BLNK: variants seen among roughly 807,000 people sequenced by gnomAD.
BLNK encodes B cell linker, also known as B-cell linker protein.
Under a neutral mutation model 73.5 loss-of-function variants are expected in BLNK, and 29 were observed. That is an observed-to-expected ratio of 0.39 (90% CI 0.29 to 0.54). The LOEUF (loss-of-function observed/expected upper bound fraction) is 0.54. Ranked by LOEUF, BLNK falls within the 20% of genes least tolerant of loss-of-function variation. The pLI is 0.61. For synonymous variants in BLNK, 176 were observed against 200.8 expected (o/e 0.88, Z 1.04); for missense variants, 460 against 562.8 (o/e 0.82, Z 1.85).
intron 4 of BLNK, among the ~76,000 whole-genome samples, chr10:96,228,068 G>A (rs113022408): frequency 0.028 from 4,235 of 149,280 alleles, 68 homozygotes; most frequent in Middle Eastern, 0.066. Flanking sequence ...GGCTTCAAAT[G>A]GACTCAGGGT....
Position 96,204,083 on chromosome 10 carries a change from A to G in BLNK, c.908T>C (p.Ile303Thr). 6.2e-7 allele frequency: 1 copy of G among 1,613,926 alleles called. No individual in the cohort carries two copies. Among genetic ancestry groups the G allele is most frequent in the Non-Finnish European group, 8.5e-7 (1 of 1,179,852 alleles). The change falls in exon 13 of 17, where the codon ATC becomes ACC. Residue 303 changes from isoleucine to threonine, a missense_variant. Ile to Thr is a moderately conservative substitution (Grantham distance 89, BLOSUM62 -1). Around this residue, in one of 3 missense-constraint regions of BLNK, gnomAD observed 233 missense variants for 232.1 expected, o/e 1.00. Coordinates refer to ENST00000224337, the MANE Select transcript of BLNK (RefSeq NM_013314.4). Reference protein sequence around the residue: ...SPVFPPAQKQIHQKPIPLPRF... With the variant: ...SPVFPPAQKQTHQKPIPLPRF... ...TGGCAGAGGTATGGGTTTTTGGTGG[A>G]TTTGTCTGCAAGAAAGAATTTCAGA...
chr10:96,255,231 C>T (rs575725068), intron 1 of BLNK, among the ~76,000 whole-genome samples: 1 of 152,274 alleles, frequency 6.6e-6, no homozygotes, highest in East Asian at 1.9e-4. Context: ...GCGAGCTCTT[C>T]CAGGGCCAAG....
At chr10:96,229,597 A>T (rs1043513352) in intron 4 of BLNK, among the ~76,000 whole-genome samples, 7 of 150,756 alleles carry the variant, frequency 4.6e-5, no homozygotes, top group Non-Finnish European at 8.8e-5. Flanking sequence ...CAGCTTGCTC[A>T]GTTTTCTTCT....
intron 7 of BLNK, among the ~76,000 whole-genome samples, 176 bp from the exon 8 acceptor site, chr10:96,215,565 G>C (rs1327260833): frequency 6.6e-6 from 1 of 152,140 alleles, no homozygotes; most frequent in African/African-American, 2.4e-5. Context: ...AGTCTTCTTA[G>C]AAGAAACATC....
intron 3 of BLNK, among the ~76,000 whole-genome samples, chr10:96,239,921 T>A (rs1842829829): frequency 6.6e-6 from 1 of 152,152 alleles, no homozygotes; most frequent in Non-Finnish European, 1.5e-5. Flanking sequence ...TTTCCAACAA[T>A]TGACTCTGAA....
At position 96,189,497 on chromosome 10, in the gene BLNK, TG is replaced by T; in HGVS notation, c.*2475del. The T allele has an allele frequency of 1.3e-5, 8 of 636,566 alleles. No homozygotes were observed. Among genetic ancestry groups the T allele is most frequent in the South Asian group, 1.1e-4 (8 of 71,986 alleles). The allele number at this position is 636,566 out of a possible 1,614,324, so 39.4% of individuals were successfully genotyped here. On this transcript the variant is annotated 3_prime_UTR_variant, in exon 17 of 17. Transcript: ENST00000224337. ...CTTTTTCTATACTTGCTTGCATTTTTGATTTAATGTCTTCTACAGAACTAGG... is the reference window on the plus strand; with the variant it reads ...CTTTTTCTATACTTGCTTGCATTTTTATTTAATGTCTTCTACAGAACTAGG...
At chr10:96,196,655 G>C (rs189410970) in intron 16 of BLNK, among the ~76,000 whole-genome samples, 1 of 152,170 alleles carries the variant, frequency 6.6e-6, no homozygotes, top group East Asian at 1.9e-4. Flanking sequence ...TAAAATCTTG[G>C]GTCAGACTGA....
chr10:96,205,871 C>T (rs910596820), intron 11 of BLNK, among the ~76,000 whole-genome samples: 5 of 152,188 alleles, frequency 3.3e-5, no homozygotes, highest in Non-Finnish European at 5.9e-5. Flanking sequence ...GCTCTTGTAG[C>T]CATGAAGTCT....
At chr10:96,202,959 C>A (rs587601778) in intron 13 of BLNK, among the ~76,000 whole-genome samples, 2 of 152,338 alleles carry the variant, frequency 1.3e-5, no homozygotes, top group East Asian at 3.9e-4. Flanking sequence ...CCCTCCCTGC[C>A]TCCGTTACTC....
At chr10:96,202,166 G>A (rs2083660489) in intron 13 of BLNK, among the ~76,000 whole-genome samples, 1 of 152,158 alleles carries the variant, frequency 6.6e-6, no homozygotes, top group African/African-American at 2.4e-5. Context: ...AGATTTATAG[G>A]ACTTGGTGGA....
Position 96,195,010 on chromosome 10 carries a change from C to T in BLNK, c.1251+1898G>A, listed in dbSNP as rs587721248. On this transcript the variant is annotated intron_variant, in intron 16 of 16. Transcript: ENST00000224337. ...GGTCTCGATCTCCTGACCTCGTGAT[C>T]CGCCCGTCTCGGCCTCCCAAAGTGC... is the stretch of plus-strand genomic sequence containing the variant. Among the ~76,000 whole-genome samples the T allele has an allele frequency of 2.8e-4, 42 of 151,994 alleles. No homozygotes were observed. The South Asian group carries it at 8.1e-3, about 29-fold the overall frequency.
In BLNK at chr10:96,230,845, A is replaced by G. The variant is rs1554903825; in HGVS notation, c.164-11T>C. The G allele has an allele frequency of 6.2e-7, 1 of 1,610,504 alleles. No individual in the cohort carries two copies. Among genetic ancestry groups the G allele is most frequent in the Non-Finnish European group, 8.5e-7 (1 of 1,178,640 alleles). ...CGTCAGCAGGGCTCTCTGCAACAGC[A>G]GGGGAGAAGCAGAAGGCACAAGTGT... is the stretch of plus-strand genomic sequence containing the variant. On this transcript the variant is annotated splice_polypyrimidine_tract_variant and intron_variant, in intron 3 of 16. Coordinates refer to ENST00000224337, the MANE Select transcript of BLNK (RefSeq NM_013314.4).
intron 10 of BLNK, 135 bp from the exon 11 acceptor site, chr10:96,207,188 A>G: frequency 2.4e-6 from 2 of 816,582 alleles, no homozygotes; most frequent in South Asian, 1.5e-5. Flanking sequence ...TCACAACAAC[A>G]ATTACAAACC....
At chr10:96,196,752 A>T (rs1222801453) in intron 16 of BLNK, among the ~76,000 whole-genome samples, 156 bp downstream of exon 16, 3 of 152,240 alleles carry the variant, frequency 2.0e-5, no homozygotes, top group Non-Finnish European at 4.4e-5. Flanking sequence ...TACTGCCTAA[A>T]TATAGTATTT....
At chr10:96,263,021 T>A (rs1554913333) in intron 1 of BLNK, among the ~76,000 whole-genome samples, 1 of 152,192 alleles carries the variant, frequency 6.6e-6, no homozygotes. Context: ...CTTTCAGTCC[T>A]CGCAAGGCGA....
At chr10:96,217,881 C>G (rs1230400586) in intron 6 of BLNK, among the ~76,000 whole-genome samples, 3 of 152,270 alleles carry the variant, frequency 2.0e-5, no homozygotes, top group African/African-American at 7.2e-5. Flanking sequence ...TAACCCAAAG[C>G]CATAAAGACT....
intron 16 of BLNK, 27 bp downstream of exon 16, chr10:96,196,880 GA>G (rs1564810858): frequency 6.2e-7 from 1 of 1,606,780 alleles, no homozygotes; most frequent in Admixed American, 1.7e-5. Context: ...CATAGTTATA[GA>G]ATTGAATTTA....
intron 1 of BLNK, among the ~76,000 whole-genome samples, chr10:96,258,795 C>G (rs1554911886): frequency 6.6e-6 from 1 of 152,202 alleles, no homozygotes; most frequent in Non-Finnish European, 1.5e-5. Flanking sequence ...ACTTTGTGTG[C>G]ATTATCTCAT....
Position 96,189,630 on chromosome 10 carries a change from T to C in BLNK, c.*2343A>G, listed in dbSNP as rs2083297629. ...GTGTTTTCTATTCTGATTTGACTTT[T>C]GTGCATTTTTGGCTGGAGTATGTAG... On this transcript the variant is annotated 3_prime_UTR_variant, in exon 17 of 17. Transcript: ENST00000224337. 5 of 708,466 alleles carry C rather than the reference T, an allele frequency of 7.1e-6. No homozygotes were observed. Among genetic ancestry groups the C allele is most frequent in the African/African-American group, 6.9e-5 (4 of 57,850 alleles). The allele number at this position is 708,466 out of a possible 1,614,324, so 43.9% of individuals were successfully genotyped here.
Sources: allele counts gnomAD v4.1 joint callset (sites outside exome capture counted in the v4.1 genomes callset), GRCh38; gene constraint gnomAD v4.1.1; regional missense constraint gnomAD v4.1.1; transcripts MANE v1.5; gene names NCBI Gene and HGNC (gene_info 2026-07-23, HGNC 2026-07-21).